Variants in LRBA observed in about 807,000 individuals in gnomAD.
LRBA encodes the protein lipopolysaccharide-responsive and beige-like anchor protein.
LRBA carries 176 observed loss-of-function variants against 330.0 expected under a neutral mutation model. The ratio of observed to expected loss-of-function variants is 0.53; its 90% CI spans 0.47 to 0.60. LRBA has a LOEUF of 0.60. Ranked by LOEUF, LRBA falls within the 20% of genes least tolerant of loss-of-function variation. LRBA has a pLI of 0.00. For missense variants in LRBA, 3,259 were observed against 3,444.8 expected (o/e 0.95, Z 1.35); for synonymous variants, 1,230 against 1,193.0 (o/e 1.03, Z -0.64).
chr4:150,682,161 G>C (rs1165359489), intron 37 of LRBA, among the ~76,000 whole-genome samples: 1 of 152,150 alleles, frequency 6.6e-6, no homozygotes, highest in Non-Finnish European at 1.5e-5. Context: ...CTGTGTGTCA[G>C]GCACTATGCA....
At chr4:150,600,181 G>C (rs888436063) in intron 37 of LRBA, among the ~76,000 whole-genome samples, 1 of 151,852 alleles carries the variant, frequency 6.6e-6, no homozygotes, top group Non-Finnish European at 1.5e-5. Flanking sequence ...ATTCAATAAA[G>C]ATATACAGCA....
chr4:150,923,291 T>C (rs1228226199), intron 4 of LRBA, among the ~76,000 whole-genome samples: 1 of 152,116 alleles, frequency 6.6e-6, no homozygotes, highest in Non-Finnish European at 1.5e-5. Flanking sequence ...TTTTGCTTCT[T>C]ACTCTCCCCT....
At position 151,014,501 on chromosome 4, in the gene LRBA, A is replaced by T. The variant is rs374042410; in HGVS notation, c.142T>A (p.Phe48Ile). Residue 48 changes from phenylalanine (F) to isoleucine (I), a missense_variant, in exon 2 of 57, where the codon TTT becomes ATT. Coordinates refer to ENST00000651943, the MANE Select transcript of LRBA (RefSeq NM_001364905.1). ...GLPIRGIRMKFAVLTGLVEVG... is the reference protein window; with the variant it reads ...GLPIRGIRMKIAVLTGLVEVG... ...TCAACCAAACCGGTCAACACGGCAA[A>T]TTTCATTCTGATGCCCCTGATGGGG... 3 of 1,614,182 alleles carry T rather than the reference A, an allele frequency of 1.9e-6. No homozygotes were observed. Among genetic ancestry groups the T allele is most frequent in the Non-Finnish European group, 1.7e-6 (2 of 1,180,036 alleles).
intron 36 of LRBA, among the ~76,000 whole-genome samples, chr4:150,698,748 T>C (rs1007512445): frequency 9.9e-5 from 15 of 152,226 alleles, no homozygotes; most frequent in African/African-American, 3.4e-4. Context: ...TTTCTTGTTA[T>C]ATGTATGTAT....
At chr4:150,725,032 C>T (rs1053082433) in intron 36 of LRBA, among the ~76,000 whole-genome samples, 8 of 151,162 alleles carry the variant, frequency 5.3e-5, no homozygotes, top group African/African-American at 1.9e-4. Context: ...AAGTAGTGAG[C>T]TTGAAGACAG....
intron 2 of LRBA, among the ~76,000 whole-genome samples, chr4:151,004,413 T>C (rs920000286): frequency 1.3e-5 from 2 of 152,168 alleles, no homozygotes; most frequent in African/African-American, 4.8e-5. Flanking sequence ...AGGTAGCATA[T>C]ACATACAGCA....
intron 55 of LRBA, among the ~76,000 whole-genome samples, chr4:150,279,115 C>T (rs1054791948): frequency 6.6e-6 from 1 of 152,210 alleles, no homozygotes. Flanking sequence ...AGAACCACTG[C>T]GCCTGGCCTT....
intron 47 of LRBA, among the ~76,000 whole-genome samples, chr4:150,356,306 G>A (rs549250051): frequency 2.6e-5 from 4 of 152,198 alleles, no homozygotes; most frequent in South Asian, 2.1e-4. Context: ...CCACTTTGCG[G>A]AAAGCTATTC....
chr4:150,538,814 C>CAAA (rs35022729), intron 40 of LRBA, among the ~76,000 whole-genome samples: 22 of 101,288 alleles, frequency 2.2e-4, no homozygotes, highest in African/African-American at 7.3e-4. Flanking sequence ...GGCCCTGTCT[C>CAAA]AAAAAAAAAA....
intron 35 of LRBA, among the ~76,000 whole-genome samples, chr4:150,747,552 A>G (rs1280821993): frequency 1.3e-5 from 2 of 152,230 alleles, no homozygotes; most frequent in Non-Finnish European, 2.9e-5. Flanking sequence ...AAACATGCAT[A>G]ACACTGTCCA....
At chr4:150,681,001 C>T (rs1783005035) in intron 37 of LRBA, among the ~76,000 whole-genome samples, 1 of 151,994 alleles carries the variant, frequency 6.6e-6, no homozygotes, top group African/African-American at 2.4e-5. Flanking sequence ...AAAAAAAATG[C>T]CACAAATGAA....
At chr4:150,511,056 C>T (rs1399749585) in intron 40 of LRBA, among the ~76,000 whole-genome samples, 2 of 152,070 alleles carry the variant, frequency 1.3e-5, no homozygotes, top group Non-Finnish European at 2.9e-5. Flanking sequence ...CAGGGTTTCA[C>T]CATGTTGGCT....
intron 2 of LRBA, among the ~76,000 whole-genome samples, chr4:150,965,370 T>A (rs539645895): frequency 6.6e-6 from 1 of 152,274 alleles, no homozygotes; most frequent in East Asian, 1.9e-4. Context: ...AAAAGCAAGA[T>A]GTAGAACAAG....
intron 40 of LRBA, among the ~76,000 whole-genome samples, chr4:150,521,952 G>A (rs992659315): frequency 6.6e-6 from 1 of 152,120 alleles, no homozygotes; most frequent in Admixed American, 6.5e-5. Context: ...ATATAACCAT[G>A]AATTTAAATA....
At chr4:150,526,033 A>G (rs1310251985) in intron 40 of LRBA, among the ~76,000 whole-genome samples, 1 of 152,166 alleles carries the variant, frequency 6.6e-6, no homozygotes, top group Non-Finnish European at 1.5e-5. Context: ...AGATTCAGAA[A>G]TAAAGTGTTA....
chr4:150,585,717 G>A (rs1426452558), intron 40 of LRBA, among the ~76,000 whole-genome samples: 1 of 152,142 alleles, frequency 6.6e-6, no homozygotes, highest in Non-Finnish European at 1.5e-5. Flanking sequence ...TTTATTCTTT[G>A]TATTAGCCCA....
chr4:150,975,798 A>C (rs1740099173), intron 2 of LRBA, among the ~76,000 whole-genome samples: 2 of 152,136 alleles, frequency 1.3e-5, no homozygotes, highest in Non-Finnish European at 2.9e-5. Context: ...AGATTGAAAA[A>C]AATGAATAAT....
rs566512704 is a variant in LRBA at position 150,622,217 on chromosome 4, A to C, written c.5922-23086T>G. The stretch of plus-strand genomic sequence containing the variant: ...TATGGACATGAGATGTACTGAGCAC[A>C]TGAAAATAAGTAGACCATCAAAAGA... On this transcript the variant is annotated intron_variant, in intron 37 of 56. Coordinates refer to ENST00000651943, the MANE Select transcript of LRBA (RefSeq NM_001364905.1). Among the ~76,000 whole-genome samples the C allele has an allele frequency of 1.1e-4, 16 of 152,346 alleles. 1 individual carries two copies. Among genetic ancestry groups the C allele is most frequent in the Middle Eastern group, 3.4e-3 (1 of 294 alleles).
At chr4:150,358,969 C>CT (rs974542225) in intron 47 of LRBA, among the ~76,000 whole-genome samples, 8 of 152,070 alleles carry the variant, frequency 5.3e-5, no homozygotes, top group Non-Finnish European at 1.0e-4. Context: ...ATTCCCTGGA[C>CT]TGACTGCCAT....
Sources: gnomAD v4.1 joint callset for allele counts (sites outside exome capture counted in the v4.1 genomes callset) on GRCh38, gnomAD v4.1.1 for gene constraint, MANE v1.5 for transcripts, NCBI Gene and HGNC (gene_info 2026-07-23, HGNC 2026-07-21) for gene names.